The following PTPRD variants were observed in gnomAD, a reference collection of about 807,000 sequenced individuals.
PTPRD encodes protein tyrosine phosphatase receptor type D.
A neutral mutation model predicts 214.5 loss-of-function variants in PTPRD; 34 were observed. The ratio of observed to expected loss-of-function variants is 0.16; its 90% CI spans 0.12 to 0.21. The LOEUF (loss-of-function observed/expected upper bound fraction) is 0.21. PTPRD is among the 10% of genes least tolerant of loss of function. The probability of loss-of-function intolerance (pLI) is 1.00; values close to 1 mark genes in which losing one functional copy is unlikely to be tolerated. For synonymous variants in PTPRD, 1,128 were observed against 845.7 expected, an observed-to-expected ratio of 1.33 and a Z score of -5.79; for missense variants, 2,545 against 2,398.7, an observed-to-expected ratio of 1.06 and a Z score of -1.27.
In PTPRD at chr9:10,260,317, G is replaced by A. The variant is rs528435306; in HGVS notation, c.-545+80646C>T. 2.6e-5 allele frequency among the ~76,000 whole-genome samples: 4 copies of A among 152,232 alleles called. No homozygotes were observed. In the South Asian group the frequency reaches 6.2e-4, roughly 24 times the overall value. On this transcript the variant is annotated intron_variant, in intron 3 of 45. Transcript: ENST00000381196. ...GCCCAAGAAAACACAGAGATATAAT[G>A]TTAAATTTCACAGTCTTGTCCTAAT... is the stretch of plus-strand genomic sequence containing the variant.
At chr9:9,494,622 GA>G (rs1365968169) in intron 8 of PTPRD, among the ~76,000 whole-genome samples, 1 of 152,188 alleles carries the variant, frequency 6.6e-6, no homozygotes, top group Non-Finnish European at 1.5e-5. Flanking sequence ...CAAGGAGGTG[GA>G]AAATTTGTAA....
intron 5 of PTPRD, among the ~76,000 whole-genome samples, chr9:9,879,553 G>C (rs943538954): frequency 1.3e-5 from 2 of 152,194 alleles, no homozygotes; most frequent in Admixed American, 6.5e-5. Flanking sequence ...ATTGAAGCTT[G>C]CAAGTATTTG....
At chr9:9,501,131 G>A (rs568426775) in intron 8 of PTPRD, among the ~76,000 whole-genome samples, 27 of 151,756 alleles carry the variant, frequency 1.8e-4, no homozygotes, top group African/African-American at 6.0e-4. Flanking sequence ...TAAAAAGCAA[G>A]GTAAAAACTT....
chr9:8,618,226 G>T (rs55813399), intron 14 of PTPRD, among the ~76,000 whole-genome samples: 6,304 of 152,058 alleles, frequency 0.041, 123 homozygotes, highest in Non-Finnish European at 0.048. Context: ...CGAGTTTGGG[G>T]CCATAGAAAA....
In PTPRD at chr9:8,350,268, C is replaced by G. The variant is rs2075085376; in HGVS notation, c.4662-8290G>C. ...TGATTAATGTGGTGGAGTTTTAATG[C>G]TGACCCTTTCCTGGTACTTCACTGA... is the stretch of plus-strand genomic sequence containing the variant. On this transcript the variant is annotated intron_variant, in intron 39 of 45. Transcript: ENST00000381196. 2.0e-5 allele frequency among the ~76,000 whole-genome samples: 3 copies of G among 152,092 alleles called. No individual in the cohort carries two copies. The South Asian group carries it at 6.2e-4, about 31-fold the overall frequency.
intron 7 of PTPRD, among the ~76,000 whole-genome samples, chr9:9,639,723 T>C (rs2095876147): frequency 6.6e-6 from 1 of 152,184 alleles, no homozygotes; most frequent in African/African-American, 2.4e-5. Flanking sequence ...TACACAGGCA[T>C]ATTTACATTT....
At chr9:10,390,470 A>G (rs2098035961) in intron 2 of PTPRD, among the ~76,000 whole-genome samples, 1 of 151,858 alleles carries the variant, frequency 6.6e-6, no homozygotes, top group African/African-American at 2.4e-5. Flanking sequence ...AACTGTTAAA[A>G]GGAGGCTTAT....
At position 8,903,051 on chromosome 9, in the gene PTPRD, A is replaced by T. The variant is rs568503494; in HGVS notation, c.-104+115646T>A. 3.3e-5 allele frequency among the ~76,000 whole-genome samples: 5 copies of T among 152,350 alleles called. No homozygotes were observed. In the East Asian group the frequency reaches 9.6e-4, roughly 29 times the overall value. The stretch of plus-strand genomic sequence containing the variant: ...ATTATCTTGAATAATGAAACATCAA[A>T]TAGTGAAAATCTCACCACGTTTAGG... On this transcript the variant is annotated intron_variant, in intron 11 of 45. Transcript: ENST00000381196.
intron 3 of PTPRD, among the ~76,000 whole-genome samples, chr9:10,093,550 A>C (rs1261558113): frequency 6.6e-6 from 1 of 151,484 alleles, no homozygotes; most frequent in Non-Finnish European, 1.5e-5. Context: ...GATTTCGCAA[A>C]GAACTTAAAA....
chr9:8,337,661 T>C (rs966678020), intron 43 of PTPRD, among the ~76,000 whole-genome samples: 3 of 145,716 alleles, frequency 2.1e-5, no homozygotes, highest in African/African-American at 7.5e-5. Context: ...AGGGAGACTT[T>C]AAAAAAAAAA....
chr9:9,275,990 G>A (rs999971112), intron 9 of PTPRD, among the ~76,000 whole-genome samples: 3 of 151,272 alleles, frequency 2.0e-5, no homozygotes, highest in East Asian at 2.0e-4. Context: ...CACCTCAACC[G>A]AATTTATTAT....
intron 4 of PTPRD, among the ~76,000 whole-genome samples, chr9:10,025,766 A>G (rs1293787424): frequency 6.6e-6 from 1 of 152,166 alleles, no homozygotes; most frequent in East Asian, 1.9e-4. Flanking sequence ...CACTGACTTT[A>G]AAGAAATTTG....
chr9:8,485,133 C>T, intron 29 of PTPRD, 94 bp downstream of exon 29: 5 of 1,045,786 alleles, frequency 4.8e-6, no homozygotes, highest in Admixed American at 2.2e-5. Flanking sequence ...GTGGCCAAAA[C>T]AAAGTGGTCT....
intron 5 of PTPRD, among the ~76,000 whole-genome samples, chr9:9,872,927 A>C (rs1395262370): frequency 2.0e-5 from 3 of 152,148 alleles, no homozygotes; most frequent in Non-Finnish European, 4.4e-5. Context: ...ATATTTATTA[A>C]GTATGGGCTT....
chr9:9,873,461 T>C (rs192676833), intron 5 of PTPRD, among the ~76,000 whole-genome samples: 1 of 152,188 alleles, frequency 6.6e-6, no homozygotes, highest in Admixed American at 6.5e-5. Context: ...ACCTGGATCT[T>C]ACTTACTTTT....
At chr9:8,865,600 T>C (rs1224444192) in intron 11 of PTPRD, among the ~76,000 whole-genome samples, 4 of 152,142 alleles carry the variant, frequency 2.6e-5, no homozygotes, top group South Asian at 2.1e-4. Context: ...ATTTTTATTG[T>C]GTATAATTTC....
intron 11 of PTPRD, among the ~76,000 whole-genome samples, chr9:8,816,207 C>G (rs1008605935): frequency 6.6e-6 from 1 of 152,118 alleles, no homozygotes; most frequent in African/African-American, 2.4e-5. Flanking sequence ...AATTAAAAAT[C>G]CATAACAGAC....
intron 8 of PTPRD, among the ~76,000 whole-genome samples, chr9:9,399,976 C>T (rs765883590): frequency 1.3e-5 from 2 of 151,648 alleles, no homozygotes; most frequent in Non-Finnish European, 2.9e-5. Context: ...CATGGAAGTA[C>T]CTTTGGAAAT....
At chr9:9,708,602 C>G (rs997198543) in intron 7 of PTPRD, among the ~76,000 whole-genome samples, 1 of 151,882 alleles carries the variant, frequency 6.6e-6, no homozygotes, top group Non-Finnish European at 1.5e-5. Context: ...TCAAAGTCCT[C>G]AAGAGTATTT....
Sources: allele counts gnomAD v4.1 joint callset (sites outside exome capture counted in the v4.1 genomes callset), GRCh38; gene constraint gnomAD v4.1.1; transcripts MANE v1.5; gene names NCBI Gene and HGNC (gene_info 2026-07-23, HGNC 2026-07-21).